LOC128092252: variants seen among roughly 807,000 people sequenced by gnomAD.
the LOC128092252 span, among the ~76,000 whole-genome samples, chr15:50,659,293 T>C: frequency 6.6e-6 from 1 of 152,030 alleles, no homozygotes; most frequent in Non-Finnish European, 1.5e-5. Flanking sequence ...GGGATAATCA[T>C]CTGCTTGGAC....
the LOC128092252 span, among the ~76,000 whole-genome samples, chr15:50,682,364 G>A: frequency 2.0e-4 from 30 of 151,752 alleles, no homozygotes; most frequent in Middle Eastern, 6.8e-3. Context: ...CAGAGCATGA[G>A]GTCAAGAGAT....
At chr15:50,670,731 A>T in the LOC128092252 span, among the ~76,000 whole-genome samples, 1 of 151,944 alleles carries the variant, frequency 6.6e-6, no homozygotes, top group African/African-American at 2.4e-5. Context: ...AGGACTGCTC[A>T]ACCTATGGGG....
chr15:50,685,643 T>A, the LOC128092252 span, among the ~76,000 whole-genome samples: 158 of 152,302 alleles, frequency 1.0e-3, 2 homozygotes, highest in African/African-American at 3.7e-3. Flanking sequence ...ATAAAGCCTA[T>A]CAAATTCAAG....
At chr15:50,681,042 G>A in the LOC128092252 span, among the ~76,000 whole-genome samples, 4 of 152,140 alleles carry the variant, frequency 2.6e-5, no homozygotes, top group African/African-American at 9.7e-5. Context: ...CACGAGGTCA[G>A]GAGTTCGAGA....
At chr15:50,652,392 G>A in the LOC128092252 span, among the ~76,000 whole-genome samples, 9,329 of 144,182 alleles carry the variant, frequency 0.065, 437 homozygotes, top group African/African-American at 0.13. Flanking sequence ...AATCGTGGGG[G>A]AAAGCAAGAA....
chr15:50,657,130 C>T, the LOC128092252 span, among the ~76,000 whole-genome samples: 3 of 152,082 alleles, frequency 2.0e-5, no homozygotes, highest in Non-Finnish European at 4.4e-5. Context: ...TCAAGACCAG[C>T]CTGGCCAACA....
At chr15:50,686,333 C>T in the LOC128092252 span, among the ~76,000 whole-genome samples, 1 of 152,226 alleles carries the variant, frequency 6.6e-6, no homozygotes, top group African/African-American at 2.4e-5. Context: ...TCGCCTCTAA[C>T]TTGCTACCTG....
chr15:50,648,830 T>C, the LOC128092252 span: 16 of 1,612,886 alleles, frequency 9.9e-6, no homozygotes, highest in Middle Eastern at 1.6e-4. Context: ...GAGTATTTCA[T>C]GGCAAGACTT....
chr15:50,653,376 C>A, the LOC128092252 span, among the ~76,000 whole-genome samples: 1 of 152,172 alleles, frequency 6.6e-6, no homozygotes, highest in African/African-American at 2.4e-5. Context: ...ACTTCCTCAA[C>A]AGATAACATA....
the LOC128092252 span, among the ~76,000 whole-genome samples, chr15:50,679,538 A>ATATATTTTTT: frequency 6.8e-5 from 3 of 43,904 alleles, no homozygotes; most frequent in African/African-American, 3.2e-4. Flanking sequence ...ATATATATAT[A>ATATATTTTTT]TTTTTTTTTT....
chr15:50,663,440 T>C, the LOC128092252 span, among the ~76,000 whole-genome samples: 2 of 152,172 alleles, frequency 1.3e-5, no homozygotes, highest in African/African-American at 4.8e-5. Context: ...AACACTTCTA[T>C]ACTACATAAT....
chr15:50,682,507 C>T, the LOC128092252 span, among the ~76,000 whole-genome samples: 1 of 150,296 alleles, frequency 6.7e-6, no homozygotes, highest in African/African-American at 2.5e-5. Flanking sequence ...ATCCAGGAGG[C>T]GGAGGTTGCA....
chr15:50,649,514 C>T, the LOC128092252 span, among the ~76,000 whole-genome samples: 1 of 151,152 alleles, frequency 6.6e-6, no homozygotes, highest in African/African-American at 2.4e-5. Context: ...ACTAATAATA[C>T]TACAGAATGG....
chr15:50,660,372 AAAAT>A, the LOC128092252 span, among the ~76,000 whole-genome samples: 1 of 152,166 alleles, frequency 6.6e-6, no homozygotes, highest in Non-Finnish European at 1.5e-5. Context: ...CTGTCAACTA[AAAAT>A]AAATAAATGT....
At chr15:50,680,144 G>A in the LOC128092252 span, among the ~76,000 whole-genome samples, 2 of 152,064 alleles carry the variant, frequency 1.3e-5, no homozygotes, top group African/African-American at 4.8e-5. Context: ...TGACAGAGGA[G>A]AATCACTTGA....
the LOC128092252 span, among the ~76,000 whole-genome samples, chr15:50,667,779 A>C: frequency 6.6e-6 from 1 of 152,232 alleles, no homozygotes; most frequent in Non-Finnish European, 1.5e-5. Context: ...GGTTTTATTA[A>C]GAACTGGGTT....
the LOC128092252 span, among the ~76,000 whole-genome samples, chr15:50,664,415 T>C: frequency 6.6e-6 from 1 of 151,076 alleles, no homozygotes; most frequent in African/African-American, 2.4e-5. Context: ...TGGTTAATGA[T>C]ACAGGAATAA....
chr15:50,675,006 A>C, the LOC128092252 span, among the ~76,000 whole-genome samples: 2 of 152,232 alleles, frequency 1.3e-5, no homozygotes, highest in African/African-American at 2.4e-5. Flanking sequence ...TTTTTACTAA[A>C]TTTTATGCCT....
the LOC128092252 span, among the ~76,000 whole-genome samples, chr15:50,668,933 C>T: frequency 6.6e-6 from 1 of 152,194 alleles, no homozygotes; most frequent in Non-Finnish European, 1.5e-5. Context: ...AGGAATCAAA[C>T]TTGACTTGTA....
Sources: gnomAD v4.1 joint callset for allele counts (sites outside exome capture counted in the v4.1 genomes callset) on GRCh38, gnomAD v4.1.1 for gene constraint, MANE v1.5 for transcripts.